MGAT4C: variants seen among roughly 807,000 people sequenced by gnomAD.
The protein encoded by MGAT4C is alpha-1,3-mannosyl-glycoprotein 4-beta-N-acetylglucosaminyltransferase C.
Under a neutral mutation model 40.1 loss-of-function variants are expected in MGAT4C, and 19 were observed. The ratio of observed to expected loss-of-function variants is 0.47; its 90% CI spans 0.33 to 0.70. The LOEUF (loss-of-function observed/expected upper bound fraction) is 0.70. MGAT4C is among the 30% of genes least tolerant of loss of function. MGAT4C has a pLI of 0.02. For synonymous variants in MGAT4C, 181 were observed against 187.1 expected (o/e 0.97, Z 0.27); for missense variants, 491 against 563.2 (o/e 0.87, Z 1.30).
rs888005514 is a variant in MGAT4C at position 86,780,076 on chromosome 12, CTT to C, written c.-261-52837_-261-52836del. ...TCCCCATTTATTTTTTAATTATAGACTTATATTCAACCTCAAAACTTGAAAGA... is the reference window on the plus strand; with the variant it reads ...TCCCCATTTATTTTTTAATTATAGACATATTCAACCTCAAAACTTGAAAGA... On this transcript the variant is annotated intron_variant, in intron 1 of 7. Coordinates refer to the MGAT4C transcript ENST00000548651. 3.9e-5 allele frequency among the ~76,000 whole-genome samples: 6 copies of C among 151,932 alleles called. No individual in the cohort carries two copies. In the South Asian group the frequency reaches 6.2e-4, roughly 16 times the overall value.
intron 1 of MGAT4C, among the ~76,000 whole-genome samples, chr12:86,755,200 CA>C (rs1951282314): frequency 6.6e-6 from 1 of 152,104 alleles, no homozygotes; most frequent in African/African-American, 2.4e-5. Context: ...GTTTTCTAGA[CA>C]AATAATTTTG....
chr12:86,742,933 C>A (rs1203195614), intron 1 of MGAT4C, among the ~76,000 whole-genome samples: 2 of 151,298 alleles, frequency 1.3e-5, no homozygotes, highest in Non-Finnish European at 3.0e-5. Flanking sequence ...TTTCAAAGAG[C>A]AAAATATGTA....
At chr12:86,406,847 C>A (rs899313124) in intron 3 of MGAT4C, among the ~76,000 whole-genome samples, 20 of 152,182 alleles carry the variant, frequency 1.3e-4, no homozygotes. Flanking sequence ...ATATTTTACA[C>A]GTCAAGTAAT....
Position 86,670,256 on chromosome 12 carries a change from T to A in MGAT4C, c.-229+56953A>T, listed in dbSNP as rs546922861. On this transcript the variant is annotated intron_variant, in intron 2 of 7. Transcript: ENST00000548651. ...AAGATGAAAAATTCAACAAATGGATTTCAAGGAAGCTCAATGAATTCCAAC... is the reference window on the plus strand; with the variant it reads ...AAGATGAAAAATTCAACAAATGGATATCAAGGAAGCTCAATGAATTCCAAC... Among the ~76,000 whole-genome samples the A allele has an allele frequency of 2.0e-5, 3 of 152,096 alleles. No homozygotes were observed. In the East Asian group the frequency reaches 5.8e-4, roughly 29 times the overall value.
At chr12:86,770,788 A>G (rs2136167944) in intron 1 of MGAT4C, among the ~76,000 whole-genome samples, 2 of 152,234 alleles carry the variant, frequency 1.3e-5, no homozygotes, top group Non-Finnish European at 2.9e-5. Flanking sequence ...AAAAGGGAAA[A>G]AATAATAATT....
intron 1 of MGAT4C, among the ~76,000 whole-genome samples, chr12:86,157,995 C>T (rs776381237): frequency 6.6e-5 from 10 of 152,102 alleles, no homozygotes; most frequent in Non-Finnish European, 1.0e-4. Context: ...ATTCAAGAAG[C>T]AGCAATGATT....
At chr12:86,821,011 A>G (rs1186767380) in intron 1 of MGAT4C, among the ~76,000 whole-genome samples, 1 of 150,980 alleles carries the variant, frequency 6.6e-6, no homozygotes, top group African/African-American at 2.4e-5. Context: ...AGCAATTCTT[A>G]GCCCATGCTG....
chr12:86,387,280 T>G (rs1956069299), intron 3 of MGAT4C, among the ~76,000 whole-genome samples: 1 of 152,114 alleles, frequency 6.6e-6, no homozygotes, highest in African/African-American at 2.4e-5. Context: ...CACTTCTAAC[T>G]TCTAGATTCA....
At chr12:86,180,475 G>A (rs945456436) in intron 1 of MGAT4C, among the ~76,000 whole-genome samples, 2 of 152,158 alleles carry the variant, frequency 1.3e-5, no homozygotes, top group Non-Finnish European at 2.9e-5. Flanking sequence ...ACGTGGAAAA[G>A]CCTCAGACAC....
chr12:86,559,469 A>G (rs937482767), intron 2 of MGAT4C, among the ~76,000 whole-genome samples: 1 of 151,988 alleles, frequency 6.6e-6, no homozygotes, highest in Non-Finnish European at 1.5e-5. Flanking sequence ...CCAGATCACA[A>G]TGGAATGAAA....
chr12:86,492,518 C>T, intron 2 of MGAT4C, among the ~76,000 whole-genome samples: 1 of 152,140 alleles, frequency 6.6e-6, no homozygotes, highest in Non-Finnish European at 1.5e-5. Flanking sequence ...TGATCTTTGA[C>T]AAACCTGAGA....
intron 1 of MGAT4C, among the ~76,000 whole-genome samples, chr12:86,788,442 T>A (rs1446681633): frequency 6.6e-6 from 1 of 152,018 alleles, no homozygotes; most frequent in Non-Finnish European, 1.5e-5. Context: ...AAGCACCAAT[T>A]ACAATGACAT....
intron 1 of MGAT4C, chr12:86,068,583 AG>A (rs1437686810): frequency 6.1e-5 from 9 of 147,718 alleles, no homozygotes; most frequent in Non-Finnish European, 1.0e-4. Context: ...TATAAATATA[AG>A]CATAGCATAT....
At chr12:86,658,527 C>CA (rs1312355875) in intron 2 of MGAT4C, among the ~76,000 whole-genome samples, 6 of 151,974 alleles carry the variant, frequency 3.9e-5, no homozygotes, top group Non-Finnish European at 5.9e-5. Context: ...TAATTACTGT[C>CA]AAGAGGATTA....
chr12:86,117,544 G>C (rs1456753126), intron 1 of MGAT4C, among the ~76,000 whole-genome samples: 1 of 152,098 alleles, frequency 6.6e-6, no homozygotes, highest in Non-Finnish European at 1.5e-5. Context: ...AAAATGCAGA[G>C]ATATAGGAAT....
intron 2 of MGAT4C, among the ~76,000 whole-genome samples, chr12:86,708,946 T>C (rs1950510725): frequency 6.6e-6 from 1 of 152,186 alleles, no homozygotes; most frequent in African/African-American, 2.4e-5. Context: ...GACTGTGGAC[T>C]TTTGAGTTAA....
chr12:86,115,255 T>C (rs1480234898), intron 1 of MGAT4C, among the ~76,000 whole-genome samples: 2 of 151,950 alleles, frequency 1.3e-5, no homozygotes, highest in Admixed American at 1.3e-4. Flanking sequence ...GAGATAATGA[T>C]ATTTTATGGA....
intron 1 of MGAT4C, among the ~76,000 whole-genome samples, chr12:86,126,457 AT>A (rs1229160667): frequency 1.3e-5 from 2 of 152,162 alleles, no homozygotes; most frequent in Non-Finnish European, 2.9e-5. Context: ...GTTGTACTAA[AT>A]TTGGCATGGA....
intron 2 of MGAT4C, among the ~76,000 whole-genome samples, chr12:86,611,235 T>C (rs1041622742): frequency 5.3e-5 from 8 of 152,086 alleles, no homozygotes; most frequent in African/African-American, 1.9e-4. Context: ...TTGAAACATT[T>C]TGAAATAATT....
Sources: allele counts gnomAD v4.1 joint callset (sites outside exome capture counted in the v4.1 genomes callset), GRCh38; gene constraint gnomAD v4.1.1; transcripts MANE v1.5; gene names NCBI Gene and HGNC (gene_info 2026-07-23, HGNC 2026-07-21).